PDE7B: variants seen among roughly 807,000 people sequenced by gnomAD.
PDE7B encodes the protein 3',5'-cyclic-AMP phosphodiesterase 7B.
A neutral mutation model predicts 56.2 loss-of-function variants in PDE7B; 29 were observed. That is an observed-to-expected ratio of 0.52 (90% confidence interval 0.38 to 0.70). PDE7B has a LOEUF of 0.70. Among genes scored for constraint, PDE7B ranks in the 30% least tolerant of loss-of-function variants. The pLI is 0.00. For missense variants in PDE7B, 490 were observed against 565.0 expected (o/e 0.87, Z 1.35); for synonymous variants, 197 against 196.9 (o/e 1.00, Z 0.00).
chr6:136,136,639 C>T (rs952508831), intron 3 of PDE7B, among the ~76,000 whole-genome samples: 10 of 151,750 alleles, frequency 6.6e-5, no homozygotes, highest in Admixed American at 2.6e-4. Flanking sequence ...TGTCATATTA[C>T]ACATTGCATG....
intron 2 of PDE7B, among the ~76,000 whole-genome samples, chr6:135,963,424 G>C (rs1022715067): frequency 2.6e-5 from 4 of 152,162 alleles, no homozygotes; most frequent in African/African-American, 9.7e-5. Flanking sequence ...GAAACGGAGA[G>C]AAATGCTATA....
chr6:135,963,476 T>C (rs1774942843), intron 2 of PDE7B, among the ~76,000 whole-genome samples: 1 of 152,140 alleles, frequency 6.6e-6, no homozygotes, highest in African/African-American at 2.4e-5. Flanking sequence ...TATATGAAGA[T>C]CCTGCTGATA....
intron 2 of PDE7B, among the ~76,000 whole-genome samples, chr6:135,951,066 G>A (rs967224019): frequency 6.6e-6 from 1 of 152,156 alleles, no homozygotes. Flanking sequence ...TACACGGAGT[G>A]TTAACTATTT....
chr6:136,162,079 C>A (rs1490469254), intron 8 of PDE7B: 2 of 152,098 alleles, frequency 1.3e-5, no homozygotes, highest in African/African-American at 4.8e-5. Context: ...TTCACAGTCA[C>A]CCTGTTTCCA....
Position 135,860,734 on chromosome 6 carries a change from G to A in PDE7B, c.21+8715G>A, listed in dbSNP as rs1775129826. Among the ~76,000 whole-genome samples, 3 of 152,086 alleles carry A rather than the reference G, an allele frequency of 2.0e-5. No individual in the cohort carries two copies. In the South Asian group the frequency reaches 6.2e-4, roughly 32 times the overall value. Reference sequence around the variant, plus strand: ...TATGAAAGAGTAAAACTTAATGTTAGTGTATCAACTGGTATTATTTGCTTT... The same window carrying A: ...TATGAAAGAGTAAAACTTAATGTTAATGTATCAACTGGTATTATTTGCTTT... On this transcript the variant is annotated intron_variant, in intron 1 of 12. Transcript: ENST00000308191.
At chr6:135,885,314 G>A (rs1421085482) in intron 1 of PDE7B, among the ~76,000 whole-genome samples, 1 of 138,336 alleles carries the variant, frequency 7.2e-6, no homozygotes, top group Non-Finnish European at 1.5e-5. Flanking sequence ...GTTTTTTGTT[G>A]TTGCTTGTTT....
intron 3 of PDE7B, among the ~76,000 whole-genome samples, chr6:136,143,512 A>G (rs1478353579): frequency 1.3e-5 from 2 of 152,108 alleles, no homozygotes; most frequent in East Asian, 3.8e-4. Flanking sequence ...TAAAACCAAA[A>G]AAAGTCATGA....
In PDE7B at chr6:136,179,077, A is replaced by G. The variant is rs78915419; in HGVS notation, c.884A>G (p.Lys295Arg). 1.5e-3 allele frequency: 2,367 copies of G among 1,614,108 alleles called. 21 individuals carry two copies. The African/African-American group carries it at 0.022, about 15-fold the overall frequency. Residue 295 changes from lysine (K) to arginine (R), a missense_variant, in exon 10 of 13, where the codon AAA becomes AGA. Physicochemically the swap from Lys to Arg is conservative, Grantham distance 26. Transcript: ENST00000308191. Reference protein sequence around the residue: ...NRQNEFLTRLKAHLHNKDLRL... With the variant: ...NRQNEFLTRLRAHLHNKDLRL... ...CAGAATGAATTTTTGACCAGATTGA[A>G]AGCTCACCTCCACAATAAAGACTTA...
At chr6:136,148,461 G>C (rs1778455276) in intron 4 of PDE7B, among the ~76,000 whole-genome samples, 2 of 144,008 alleles carry the variant, frequency 1.4e-5, no homozygotes, top group Admixed American at 1.4e-4. Context: ...GGGAGGGAGG[G>C]AAGGAAGGAA....
At chr6:135,915,913 C>T (rs1773922886) in intron 1 of PDE7B, among the ~76,000 whole-genome samples, 1 of 152,154 alleles carries the variant, frequency 6.6e-6, no homozygotes, top group Non-Finnish European at 1.5e-5. Flanking sequence ...AAGGAGCTTC[C>T]CTTTGGATGG....
chr6:136,085,562 T>G (rs1287599660), intron 2 of PDE7B, among the ~76,000 whole-genome samples: 1 of 152,202 alleles, frequency 6.6e-6, no homozygotes, highest in African/African-American at 2.4e-5. Context: ...TGTGCCTGGC[T>G]GACTTTTGGT....
chr6:135,964,877 C>A (rs115941647), intron 2 of PDE7B, among the ~76,000 whole-genome samples: 2,617 of 152,326 alleles, frequency 0.017, 67 homozygotes, highest in African/African-American at 0.059. Flanking sequence ...CACAGTGGCT[C>A]ATGCCTGTAA....
At chr6:135,922,472 T>C (rs1774102128) in intron 1 of PDE7B, among the ~76,000 whole-genome samples, 1 of 152,118 alleles carries the variant, frequency 6.6e-6, no homozygotes, top group African/African-American at 2.4e-5. Flanking sequence ...CAAAAACCAG[T>C]CTGGGTTTAT....
At chr6:136,139,626 T>C (rs1037945447) in intron 3 of PDE7B, among the ~76,000 whole-genome samples, 7 of 152,132 alleles carry the variant, frequency 4.6e-5, no homozygotes, top group Admixed American at 6.6e-5. Flanking sequence ...TCCTCTCCAG[T>C]ACCTGTTGTT....
At chr6:135,953,208 G>A (rs895901846) in intron 2 of PDE7B, among the ~76,000 whole-genome samples, 6 of 142,318 alleles carry the variant, frequency 4.2e-5, no homozygotes, top group African/African-American at 1.0e-4. Context: ...ATAAAGTTGG[G>A]AGTTATTTTA....
At chr6:136,132,173 C>T (rs1778129522) in intron 3 of PDE7B, among the ~76,000 whole-genome samples, 1 of 152,082 alleles carries the variant, frequency 6.6e-6, no homozygotes, top group South Asian at 2.1e-4. Context: ...AAACTCCATA[C>T]CCCTTGAACA....
In PDE7B at chr6:135,929,036, A is replaced by G. The variant is rs115535909; in HGVS notation, c.22-18428A>G. ...ATACAGTAAGAACTGGGTTATTTTT[A>G]TACCTAATAACACTCAATGCAATTA... On this transcript the variant is annotated intron_variant, in intron 1 of 12. Transcript: ENST00000308191. Among the ~76,000 whole-genome samples the G allele has an allele frequency of 2.7e-3, 407 of 152,330 alleles. 2 individuals are homozygous for G. The highest frequency in any genetic ancestry group is 9.2e-3 in the African/African-American group (381 of 41,578).
At chr6:135,896,246 G>A (rs79360936) in intron 1 of PDE7B, among the ~76,000 whole-genome samples, 1,685 of 152,184 alleles carry the variant, frequency 0.011, 64 homozygotes, top group East Asian at 0.11. Flanking sequence ...TAGGGCTGGA[G>A]GTAGAGCTAA....
intron 2 of PDE7B, among the ~76,000 whole-genome samples, chr6:136,076,548 A>G (rs1052048686): frequency 1.4e-4 from 21 of 152,200 alleles, no homozygotes; most frequent in African/African-American, 4.1e-4. Flanking sequence ...AAGGAAATGT[A>G]AAGACAGGAA....
Sources: allele counts gnomAD v4.1 joint callset (sites outside exome capture counted in the v4.1 genomes callset), GRCh38; gene constraint gnomAD v4.1.1; transcripts MANE v1.5; gene names NCBI Gene and HGNC (gene_info 2026-07-23, HGNC 2026-07-21).